Variants in MTOR observed in about 807,000 individuals in gnomAD.
MTOR encodes serine/threonine-protein kinase mTOR.
MTOR carries 70 observed loss-of-function variants against 319.8 expected under a neutral mutation model. The observed-to-expected ratio is 0.22, with a 90% CI of 0.18 to 0.27. The LOEUF (loss-of-function observed/expected upper bound fraction) is 0.27. MTOR is among the 10% of genes least tolerant of loss of function. The pLI, the probability that MTOR is intolerant of heterozygous loss-of-function variation, is 1.00. For missense variants in MTOR, 1,890 were observed against 3,274.4 expected (o/e 0.58, Z 10.32); for synonymous variants, 1,183 against 1,211.4 (o/e 0.98, Z 0.49).
chr1:11,128,600 C>G lies in MTOR; in HGVS notation c.5812-48G>C, dbSNP rs779150320. 8 of 1,529,618 alleles carry G rather than the reference C, an allele frequency of 5.2e-6. No homozygotes were observed. Among genetic ancestry groups the G allele is most frequent in the Non-Finnish European group, 6.3e-6 (7 of 1,103,902 alleles). The allele number at this position is 1,529,618 out of a possible 1,614,324, so 94.8% of individuals were successfully genotyped here. On this transcript the variant is annotated intron_variant, in intron 41 of 57. Coordinates refer to ENST00000361445, the MANE Select transcript of MTOR (RefSeq NM_004958.4). This position sits in a 1 kb window ranked among gnomAD's most constrained non-coding sequence, Gnocchi z 5.3. ...ATGTAGCATATGAGACTTGAAACAA[C>G]TAGTTATTCTTCTAGGCAAAGATCA...
chr1:11,112,102 C>G (rs1641916785), intron 54 of MTOR, among the ~76,000 whole-genome samples: 1 of 152,216 alleles, frequency 6.6e-6, no homozygotes, highest in South Asian at 2.1e-4. Context: ...AAAAAGGACT[C>G]TGGCTCTCAG....
At chr1:11,154,037 C>T (rs1644235615) in intron 30 of MTOR, among the ~76,000 whole-genome samples, 1 of 124,864 alleles carries the variant, frequency 8.0e-6, no homozygotes, top group South Asian at 2.6e-4. Context: ...GCACTGCACT[C>T]CAGCCTGGGT....
intron 29 of MTOR, among the ~76,000 whole-genome samples, chr1:11,158,464 G>C (rs967779916): frequency 6.6e-6 from 1 of 152,144 alleles, no homozygotes; most frequent in Non-Finnish European, 1.5e-5. Context: ...CTTTCTGGCA[G>C]AGCCGGTGCC....
Position 11,193,737 on chromosome 1 carries a change from T to C in MTOR, c.4253+5521A>G, listed in dbSNP as rs766186186. Reference sequence around the variant, plus strand: ...CTGGGGAACGAACACATCCACCGGCTCTCCAGACAGCCAACCCGGCTGCGT... The same window carrying C: ...CTGGGGAACGAACACATCCACCGGCCCTCCAGACAGCCAACCCGGCTGCGT... On this transcript the variant is annotated intron_variant, in intron 28 of 57. Coordinates refer to ENST00000361445, the MANE Select transcript of MTOR (RefSeq NM_004958.4). 10 of 1,613,670 alleles carry C rather than the reference T, an allele frequency of 6.2e-6. No individual in the cohort carries two copies. The African/African-American group carries it at 1.2e-4, about 19-fold the overall frequency.
rs2100915432 is a variant in MTOR, at chr1:11,241,672, C to T, written c.1422G>A (p.Lys474=). 3 of 1,612,854 alleles carry T rather than the reference C, an allele frequency of 1.9e-6. No homozygotes were observed. The highest frequency in any genetic ancestry group is 2.2e-5 in the East Asian group (1 of 44,832). Reference sequence around the variant, plus strand: ...AGACTGTGGCATCCACCTGCATTGCCTTCTGCCTCCTGTAGAGAAATGGAG... The same window carrying T: ...AGACTGTGGCATCCACCTGCATTGCTTTCTGCCTCCTGTAGAGAAATGGAG... ...PPKDFAHKRQ[K]AMQVDATVFT... Residue 474 remains lysine (K), a synonymous_variant, in exon 10 of 58, where the codon AAG becomes AAA. Transcript: ENST00000361445.
chr1:11,135,932 C>T (rs1447534236), intron 36 of MTOR, among the ~76,000 whole-genome samples: 5 of 151,632 alleles, frequency 3.3e-5, no homozygotes, highest in East Asian at 2.0e-4. Context: ...GTCAGGAGTT[C>T]GAGACCAGCC....
intron 16 of MTOR, 141 bp from the exon 17 acceptor site, chr1:11,231,575 G>T: frequency 2.9e-6 from 3 of 1,041,798 alleles, no homozygotes; most frequent in Non-Finnish European, 4.0e-6. Flanking sequence ...CTAACCATGA[G>T]CAGAAATCCC....
chr1:11,217,819 G>A (rs1174971758), intron 19 of MTOR, among the ~76,000 whole-genome samples: 1 of 151,810 alleles, frequency 6.6e-6, no homozygotes, highest in African/African-American at 2.4e-5. Context: ...TGCAAGTCGG[G>A]TAAGTTGGAA....
chr1:11,125,030 G>A (rs1642752388), intron 46 of MTOR, among the ~76,000 whole-genome samples: 1 of 152,158 alleles, frequency 6.6e-6, no homozygotes, highest in Admixed American at 6.5e-5. Flanking sequence ...ATGGGTAGAG[G>A]GAGAGGTCAG....
intron 1 of MTOR, among the ~76,000 whole-genome samples, chr1:11,260,368 C>G (rs184662497): frequency 2.4e-4 from 37 of 152,158 alleles, no homozygotes; most frequent in African/African-American, 8.7e-4. Context: ...TATGGTGAAA[C>G]CCCGTCTCTA....
In MTOR at chr1:11,232,424, A is replaced by C. The variant is rs1647050290; in HGVS notation, c.2514+12T>G. ...GGTCTGTCTTGCTCAATCAGGAAGC[A>C]GTAATACTCACCTGCCTTTTGGCCA... On this transcript the variant is annotated intron_variant, in intron 16 of 57. Coordinates refer to ENST00000361445, the MANE Select transcript of MTOR (RefSeq NM_004958.4). 1 of 1,605,800 alleles carries C rather than the reference A, an allele frequency of 6.2e-7. No homozygotes were observed. The highest frequency in any genetic ancestry group is 8.5e-7 in the Non-Finnish European group (1 of 1,172,532).
intron 29 of MTOR, among the ~76,000 whole-genome samples, chr1:11,162,984 A>G (rs908430166): frequency 1.3e-5 from 2 of 152,204 alleles, no homozygotes; most frequent in African/African-American, 4.8e-5. Flanking sequence ...AAAGACACAG[A>G]CTGGCAAATT....
intron 15 of MTOR, 62 bp downstream of exon 15, chr1:11,233,336 C>T: frequency 6.8e-7 from 1 of 1,465,424 alleles, no homozygotes; most frequent in Non-Finnish European, 9.5e-7. Context: ...ATTTTGACTT[C>T]CTTAGAGGTT....
chr1:11,236,901 T>C lies in MTOR; in HGVS notation c.2208+942A>G, dbSNP rs374088476. On this transcript the variant is annotated intron_variant, in intron 13 of 57. Coordinates refer to ENST00000361445, the MANE Select transcript of MTOR (RefSeq NM_004958.4). ...CTTCTAACGCAGGCCGGCAGTTAAA[T>C]AAATCATTACGCTAAAAATAGAAGT... Among the ~76,000 whole-genome samples, 49 of 152,334 alleles carry C rather than the reference T, an allele frequency of 3.2e-4. No homozygotes were observed. The South Asian group carries it at 8.1e-3, about 25-fold the overall frequency.
intron 23 of MTOR, 25 bp from the exon 24 acceptor site, chr1:11,210,931 A>G (rs1646291939): frequency 7.0e-7 from 1 of 1,424,426 alleles, no homozygotes; most frequent in Non-Finnish European, 9.9e-7. Context: ...GGAAGAGATG[A>G]GAAACTATCA....
chr1:11,135,463 G>GA (rs1239953387), intron 36 of MTOR, among the ~76,000 whole-genome samples: 3 of 152,164 alleles, frequency 2.0e-5, no homozygotes, highest in Non-Finnish European at 4.4e-5. Flanking sequence ...GCAGAAGAAG[G>GA]AAAAAATCAA....
chr1:11,222,163 TTA>T (rs1436741214), intron 19 of MTOR, among the ~76,000 whole-genome samples: 1 of 151,928 alleles, frequency 6.6e-6, no homozygotes, highest in African/African-American at 2.4e-5. Context: ...CAGTAGTTGA[TTA>T]TATAAAGTTC....
chr1:11,149,304 T>C (rs535920000), intron 31 of MTOR: 2 of 152,254 alleles, frequency 1.3e-5, no homozygotes, highest in Non-Finnish European at 2.9e-5. Context: ...CAAGTAATTA[T>C]CGGGTTTGAA....
At chr1:11,246,253 T>A (rs1648802345) in intron 8 of MTOR, among the ~76,000 whole-genome samples, 1 of 152,244 alleles carries the variant, frequency 6.6e-6, no homozygotes, top group African/African-American at 2.4e-5. Context: ...CTTTGTATCC[T>A]GCTGCTAGGC....
Sources: allele counts gnomAD v4.1 joint callset (sites outside exome capture counted in the v4.1 genomes callset), GRCh38; gene constraint gnomAD v4.1.1; non-coding constraint Gnocchi (gnomAD v3.1); transcripts MANE v1.5; gene names NCBI Gene and HGNC (gene_info 2026-07-23, HGNC 2026-07-21).